Variants in NUDT1 observed in about 807,000 individuals in gnomAD.
NUDT1 encodes nudix hydrolase 1.
NUDT1 carries 16 observed loss-of-function variants against 11.3 expected under a neutral mutation model. The observed-to-expected ratio is 1.41, with a 90% CI of 0.96 to 2.15. The LOEUF is 2.15. Among genes scored for constraint, NUDT1 ranks in the 30% most tolerant of loss-of-function variants. The pLI is 0.00. For missense variants in NUDT1, 234 were observed against 208.4 expected, an observed-to-expected ratio of 1.12 and a Z score of -0.76; for synonymous variants, 101 against 84.4, an observed-to-expected ratio of 1.20 and a Z score of -1.08.
At chr7:2,247,733 T>C (rs1413581069) in intron 2 of NUDT1, among the ~76,000 whole-genome samples, 3 of 152,236 alleles carry the variant, frequency 2.0e-5, no homozygotes, top group Admixed American at 2.0e-4. Context: ...GCCTGGGAAA[T>C]GGAGCTTCAG....
At chr7:2,250,361 G>A (rs972021659) in intron 3 of NUDT1, among the ~76,000 whole-genome samples, 4 of 152,228 alleles carry the variant, frequency 2.6e-5, no homozygotes, top group Admixed American at 6.5e-5. Flanking sequence ...TGGACTGTGG[G>A]AGGCCGAGGC....
At chr7:2,242,449 G>C in intron 1 of NUDT1, 193 bp downstream of exon 1, 1 of 495,644 alleles carries the variant, frequency 2.0e-6, no homozygotes, top group South Asian at 2.9e-5. Flanking sequence ...GGGTTTGGGA[G>C]AGAGACAAGG....
rs544720083 is a variant in NUDT1 at position 2,249,852 on chromosome 7, C to G, written c.153-5C>G. On this transcript the variant is annotated splice_polypyrimidine_tract_variant and splice_region_variant and intron_variant, in intron 2 of 3. Coordinates refer to ENST00000356714, the MANE Select transcript of NUDT1 (RefSeq NM_002452.4). ...CCTCCCTCCCCTGCCCACCTCTGCCCGCAGGGAGCTGCAGGAGGAGAGCGG... is the reference window on the plus strand; with the variant it reads ...CCTCCCTCCCCTGCCCACCTCTGCCGGCAGGGAGCTGCAGGAGGAGAGCGG... The G allele has an allele frequency of 1.2e-6, 2 of 1,612,950 alleles. No individual in the cohort carries two copies. The highest frequency in any genetic ancestry group is 4.5e-5 in the East Asian group (2 of 44,888).
intron 2 of NUDT1, among the ~76,000 whole-genome samples, chr7:2,248,705 C>A (rs1794865451): frequency 6.6e-6 from 1 of 152,058 alleles, no homozygotes; most frequent in Non-Finnish European, 1.5e-5. Context: ...GCGAGTGCCA[C>A]CATGCCCAGC....
At chr7:2,242,469 C>G in intron 1 of NUDT1, 9 of 466,154 alleles carry the variant, frequency 1.9e-5, no homozygotes, top group Non-Finnish European at 2.7e-5. Flanking sequence ...GAGAGCGGGG[C>G]GGAGGCTTGG....
intron 1 of NUDT1, chr7:2,242,679 C>G (rs1346809235): frequency 5.1e-6 from 2 of 392,284 alleles, no homozygotes; most frequent in Non-Finnish European, 4.6e-6. Context: ...GAAGGGCGTG[C>G]GATGAGGATG....
chr7:2,242,451 G>T, intron 1 of NUDT1, 195 bp downstream of exon 1: 1 of 495,078 alleles, frequency 2.0e-6, no homozygotes, highest in Non-Finnish European at 3.6e-6. Context: ...GTTTGGGAGA[G>T]AGACAAGGAG....
intron 3 of NUDT1, among the ~76,000 whole-genome samples, chr7:2,250,551 A>G (rs35672506): frequency 0.024 from 3,660 of 152,288 alleles, 62 homozygotes; most frequent in South Asian, 0.043. Context: ...TCCACCTCCC[A>G]GGTTCACACC....
rs1343396915 is a variant in NUDT1 at position 2,244,683 on chromosome 7, G to A, written c.109G>A (p.Gly37Ser). 1.2e-6 allele frequency: 2 copies of A among 1,613,172 alleles called. No individual in the cohort carries two copies. Among genetic ancestry groups the A allele is most frequent in the African/African-American group, 1.3e-5 (1 of 74,912 alleles). The change falls in exon 2 of 4, where the codon GGC becomes AGC. Residue 37 changes from glycine (G) to serine (S), a missense_variant. Coordinates refer to ENST00000356714, the MANE Select transcript of NUDT1 (RefSeq NM_002452.4). The part of the protein sequence containing the change: ...FGAGRWNGFG[G>S]KVQEGETIED... ...GGCCGGCCGGTGGAATGGCTTTGGG[G>A]GCAAAGTGCAAGAAGGAGAGACCAT...
rs530747869 is a variant in NUDT1, at chr7:2,245,940, G to C, written c.152+1214G>C. ...TGTGTGTGCTTCCCCTCCAAGGCTTGGGACCCCAGACCGCAGCCACACGGA... is the reference window on the plus strand; with the variant it reads ...TGTGTGTGCTTCCCCTCCAAGGCTTCGGACCCCAGACCGCAGCCACACGGA... On this transcript the variant is annotated intron_variant, in intron 2 of 3. Transcript: ENST00000356714. 4.6e-5 allele frequency among the ~76,000 whole-genome samples: 7 copies of C among 152,092 alleles called. No individual in the cohort carries two copies. The East Asian group carries it at 1.4e-3, about 29-fold the overall frequency.
At position 2,244,678 on chromosome 7, in the gene NUDT1, T is replaced by C. The variant is rs762830208; in HGVS notation, c.104T>C (p.Phe35Ser). 2 of 1,613,166 alleles carry C rather than the reference T, an allele frequency of 1.2e-6. No individual in the cohort carries two copies. The highest frequency in any genetic ancestry group is 2.2e-5 in the East Asian group (1 of 44,878). ...RGFGAGRWNG[F>S]GGKVQEGETI... The stretch of plus-strand genomic sequence containing the variant: ...TTCGGGGCCGGCCGGTGGAATGGCT[T>C]TGGGGGCAAAGTGCAAGAAGGAGAG... The change falls in exon 2 of 4, where the codon TTT (phenylalanine) becomes TCT (serine). Residue 35 changes from phenylalanine (F) to serine (S), a missense_variant. By Grantham distance (155) the Phe-to-Ser change is radical. Transcript: ENST00000356714.
intron 1 of NUDT1, 112 bp from the exon 2 acceptor site, chr7:2,244,451 T>TTCCCCC: frequency 2.0e-6 from 2 of 981,622 alleles, no homozygotes; most frequent in Non-Finnish European, 1.5e-6. Context: ...AGTTACAGCA[T>TTCCCCC]ACCCCCCCGC....
intron 2 of NUDT1, among the ~76,000 whole-genome samples, chr7:2,247,814 C>A (rs1794829358): frequency 6.6e-6 from 1 of 152,224 alleles, no homozygotes; most frequent in African/African-American, 2.4e-5. Flanking sequence ...TAAAATCAGT[C>A]ACAATATCCC....
chr7:2,243,068 G>C (rs770358694), intron 1 of NUDT1: 1 of 714,752 alleles, frequency 1.4e-6, no homozygotes, highest in Admixed American at 2.0e-5. Context: ...CCCTGGAGTC[G>C]GGCTGCTGAG....
chr7:2,244,379 T>C (rs141080678), intron 1 of NUDT1, 184 bp from the exon 2 acceptor site: 5 of 562,546 alleles, frequency 8.9e-6, no homozygotes, highest in African/African-American at 5.6e-5. Context: ...CCCCAGAAAA[T>C]CACTGGTTCA....
chr7:2,244,761 T>G, intron 2 of NUDT1, 35 bp downstream of exon 2: 2 of 1,588,414 alleles, frequency 1.3e-6, no homozygotes, highest in Non-Finnish European at 8.6e-7. Context: ...TAGAACCGGC[T>G]TTCCCAGGGC....
At chr7:2,242,768 A>G in intron 1 of NUDT1, 1 of 505,350 alleles carries the variant, frequency 2.0e-6, no homozygotes, top group Non-Finnish European at 3.5e-6. Flanking sequence ...CTCCCACCCC[A>G]CGGCAGTGTC....
At chr7:2,244,442 G>C (rs2115053006) in intron 1 of NUDT1, 121 bp from the exon 2 acceptor site, 2 of 993,498 alleles carry the variant, frequency 2.0e-6, no homozygotes, top group East Asian at 5.1e-5. Flanking sequence ...GGGCTGGGGA[G>C]TTACAGCATA....
At chr7:2,244,503 C>A (rs1794687383) in intron 1 of NUDT1, 60 bp from the exon 2 acceptor site, 2 of 1,469,290 alleles carry the variant, frequency 1.4e-6, no homozygotes, top group African/African-American at 2.8e-5. Context: ...CTCCTGGCCC[C>A]TGGCACGTGC....
Sources: allele counts gnomAD v4.1 joint callset (sites outside exome capture counted in the v4.1 genomes callset), GRCh38; gene constraint gnomAD v4.1.1; transcripts MANE v1.5; gene names NCBI Gene and HGNC (gene_info 2026-07-23, HGNC 2026-07-21).